The following BIRC6 variants were observed in gnomAD, a reference collection of about 807,000 sequenced individuals.
BIRC6 encodes dual E2 ubiquitin-conjugating enzyme/E3 ubiquitin-protein ligase BIRC6.
Under a neutral mutation model 503.3 loss-of-function variants are expected in BIRC6, and 98 were observed. The observed-to-expected ratio is 0.19, with a 90% CI of 0.17 to 0.23. BIRC6 has a LOEUF of 0.23. Ranked by LOEUF, BIRC6 falls within the 10% of genes least tolerant of loss-of-function variation. The pLI is 1.00. For missense variants in BIRC6, 5,360 were observed against 5,806.0 expected (o/e 0.92, Z 2.50); for synonymous variants, 2,240 against 2,078.7 (o/e 1.08, Z -2.11).
chr2:32,503,156 C>T lies in BIRC6; in HGVS notation c.9419C>T (p.Ala3140Val). 6.2e-7 allele frequency: 1 copy of T among 1,612,754 alleles called. No homozygotes were observed. Among genetic ancestry groups the T allele is most frequent in the South Asian group, 1.1e-5 (1 of 90,770 alleles). ...MKFLDSGPNKAVDSTLKTRIL... is the reference protein window; with the variant it reads ...MKFLDSGPNKVVDSTLKTRIL... ...TTTCTTGACTCTGGTCCAAATAAAG[C>T]TGTTGACAGCACATTGAAAACAAGA... The change falls in exon 49 of 74, where the codon GCT (alanine) becomes GTT (valine). Residue 3140 changes from alanine to valine, a missense_variant. This residue lies in a region of BIRC6 where 267 missense variants were observed against 287.6 expected (regional missense o/e 0.93). Transcript: ENST00000421745.
chr2:32,494,484 C>G (rs1309566742), intron 45 of BIRC6, among the ~76,000 whole-genome samples: 1 of 151,904 alleles, frequency 6.6e-6, no homozygotes, highest in Non-Finnish European at 1.5e-5. Context: ...CCTCAGCCTC[C>G]CAAAGTGCTG....
intron 3 of BIRC6, among the ~76,000 whole-genome samples, chr2:32,384,734 C>G (rs577650298): frequency 3.9e-5 from 6 of 152,118 alleles, no homozygotes; most frequent in Non-Finnish European, 8.8e-5. Flanking sequence ...CATTTTTGGG[C>G]CTGTGCATAG....
intron 37 of BIRC6, among the ~76,000 whole-genome samples, chr2:32,479,956 AT>A (rs967594121): frequency 1.3e-5 from 2 of 151,888 alleles, no homozygotes; most frequent in African/African-American, 4.8e-5. Context: ...TTTTTGGTGT[AT>A]TTTTTTCTTA....
intron 32 of BIRC6, among the ~76,000 whole-genome samples, chr2:32,472,723 T>A (rs1421473026): frequency 6.6e-6 from 1 of 152,192 alleles, no homozygotes; most frequent in African/African-American, 2.4e-5. Flanking sequence ...TTAGTTAAAT[T>A]ATTGAGTATC....
intron 66 of BIRC6, among the ~76,000 whole-genome samples, chr2:32,577,957 CATTA>C (rs1435800540): frequency 6.6e-6 from 1 of 152,142 alleles, no homozygotes; most frequent in African/African-American, 2.4e-5. Flanking sequence ...AAGCTCATTT[CATTA>C]GATTATTTTA....
chr2:32,514,500 C>G (rs1050646244), intron 54 of BIRC6, among the ~76,000 whole-genome samples: 17 of 152,180 alleles, frequency 1.1e-4, no homozygotes, highest in African/African-American at 4.1e-4. Context: ...GTTCCTGTAA[C>G]ACATAAAAAG....
intron 50 of BIRC6, among the ~76,000 whole-genome samples, chr2:32,507,288 G>T (rs1468789755): frequency 6.6e-6 from 1 of 152,090 alleles, no homozygotes; most frequent in Non-Finnish European, 1.5e-5. Flanking sequence ...AAATTACCTA[G>T]ATGTAGTGGC....
At position 32,469,867 on chromosome 2, in the gene BIRC6, A is replaced by G. The variant is rs531877267; in HGVS notation, c.6347+253A>G. Among the ~76,000 whole-genome samples, 7 of 152,308 alleles carry G rather than the reference A, an allele frequency of 4.6e-5. No individual in the cohort carries two copies. The East Asian group carries it at 1.2e-3, about 25-fold the overall frequency. The stretch of plus-strand genomic sequence containing the variant: ...TAGATCTGTGTTTATAAGTATTTCT[A>G]TTAGATTATGTTGCTTTATATGCTA... On this transcript the variant is annotated intron_variant, in intron 30 of 73. Transcript: ENST00000421745.
chr2:32,494,185 TTTTTA>T (rs916944312), intron 45 of BIRC6, among the ~76,000 whole-genome samples: 8 of 152,294 alleles, frequency 5.3e-5, no homozygotes, highest in Non-Finnish European at 7.4e-5. Flanking sequence ...TTAATGTCTT[TTTTTA>T]TTCTATATTT....
In BIRC6 at chr2:32,501,806, C is replaced by G; in HGVS notation, c.9125C>G (p.Thr3042Ser). 6.2e-7 allele frequency: 1 copy of G among 1,613,806 alleles called. No individual in the cohort carries two copies. Among genetic ancestry groups the G allele is most frequent in the Non-Finnish European group, 8.5e-7 (1 of 1,179,790 alleles). ...GATGGATTATTTACCATACTGACAA[C>G]CCTTAGTAAAAAAGCTTCTACAGTC... ...VGDGLFTILT[T>S]LSKKASTVHM... The change falls in exon 47 of 74, where the codon ACC becomes AGC. Residue 3042 changes from threonine to serine, a missense_variant. Thr to Ser is a moderately conservative substitution (Grantham distance 58). Coordinates refer to ENST00000421745, the MANE Select transcript of BIRC6 (RefSeq NM_016252.4).
At chr2:32,367,903 A>G (rs766405800) in intron 1 of BIRC6, among the ~76,000 whole-genome samples, 8 of 152,180 alleles carry the variant, frequency 5.3e-5, no homozygotes, top group Non-Finnish European at 7.3e-5. Flanking sequence ...GGTAAATACT[A>G]TGTTTACTTT....
rs2040482750 is a variant in BIRC6 at position 32,400,454 on chromosome 2, T to C, written c.1035-709T>C. Among the ~76,000 whole-genome samples the C allele has an allele frequency of 2.7e-5, 4 of 149,872 alleles. No homozygotes were observed. The South Asian group carries it at 8.6e-4, about 32-fold the overall frequency. ...CCTGGGTTCAAGCAATTCTTCTGCC[T>C]CAGCCTCCTGAGTAGCTGGGATTAC... On this transcript the variant is annotated intron_variant, in intron 6 of 73. Transcript: ENST00000421745.
In BIRC6 at chr2:32,467,511, T is replaced by G; in HGVS notation, c.5357-14T>G. On this transcript the variant is annotated splice_polypyrimidine_tract_variant and intron_variant, in intron 26 of 73. Coordinates refer to ENST00000421745, the MANE Select transcript of BIRC6 (RefSeq NM_016252.4). ...GATATATTTTTGGTCAACTGTTTCT[T>G]CTTTCTCTCATAGGAGCAAGAAGAT... 1.2e-6 allele frequency: 2 copies of G among 1,609,240 alleles called. No individual in the cohort carries two copies. The highest frequency in any genetic ancestry group is 1.7e-6 in the Non-Finnish European group (2 of 1,176,116).
At chr2:32,511,201 C>CTTCTTTTTTTTT (rs2054366323) in intron 53 of BIRC6, among the ~76,000 whole-genome samples, 1 of 48,582 alleles carries the variant, frequency 2.1e-5, no homozygotes, top group African/African-American at 8.9e-5. Context: ...CTTTTCTTTT[C>CTTCTTTTTTTTT]TTTTTTTTTT....
chr2:32,607,288 C>G (rs186346750), intron 71 of BIRC6, among the ~76,000 whole-genome samples, 167 bp from the exon 72 acceptor site: 2 of 151,546 alleles, frequency 1.3e-5, no homozygotes, highest in East Asian at 3.9e-4. Context: ...TTTTATTTTG[C>G]CTTTATAATG....
intron 43 of BIRC6, among the ~76,000 whole-genome samples, chr2:32,490,375 T>G (rs2051541396): frequency 6.6e-6 from 1 of 152,096 alleles, no homozygotes; most frequent in African/African-American, 2.4e-5. Context: ...TGGTGAAACC[T>G]TATCTCTACT....
chr2:32,430,551 T>A (rs910985048), intron 11 of BIRC6, among the ~76,000 whole-genome samples: 3 of 152,176 alleles, frequency 2.0e-5, no homozygotes, highest in African/African-American at 7.2e-5. Context: ...CCACTGCTTT[T>A]CTTGCCATCC....
intron 12 of BIRC6, among the ~76,000 whole-genome samples, chr2:32,432,149 C>G (rs114843311): frequency 6.6e-6 from 1 of 152,070 alleles, no homozygotes; most frequent in African/African-American, 2.4e-5. Flanking sequence ...GGCATGGTCG[C>G]TCAAACCTGT....
At chr2:32,537,513 C>T (rs1390662494) in intron 61 of BIRC6, among the ~76,000 whole-genome samples, 1 of 152,052 alleles carries the variant, frequency 6.6e-6, no homozygotes, top group South Asian at 2.1e-4. Flanking sequence ...GCAAAAAAAT[C>T]TGTCATCCTA....
Sources: allele counts gnomAD v4.1 joint callset (sites outside exome capture counted in the v4.1 genomes callset), GRCh38; gene constraint gnomAD v4.1.1; regional missense constraint gnomAD v4.1.1; transcripts MANE v1.5; gene names NCBI Gene and HGNC (gene_info 2026-07-23, HGNC 2026-07-21).